CEMIP: variants seen among roughly 807,000 people sequenced by gnomAD.
CEMIP encodes the protein cell migration inducing hyaluronidase 1.
In CEMIP, 105 loss-of-function variants were observed where a neutral mutation model predicts 156.9. The ratio of observed to expected loss-of-function variants is 0.67; its 90% CI spans 0.57 to 0.79. The LOEUF (loss-of-function observed/expected upper bound fraction) is 0.79, where lower values mean the gene tolerates loss of function less well. Ranked by LOEUF, CEMIP falls within the 30% of genes least tolerant of loss-of-function variation. The probability of loss-of-function intolerance (pLI) is 0.00; values close to 1 mark genes in which losing one functional copy is unlikely to be tolerated. For missense variants in CEMIP, 1,457 were observed against 1,769.4 expected (o/e 0.82, Z 3.17); for synonymous variants, 676 against 668.4 (o/e 1.01, Z -0.17).
chr15:80,901,017 T>C (rs1345455311), intron 12 of CEMIP: 1 of 447,114 alleles, frequency 2.2e-6, no homozygotes, highest in Non-Finnish European at 4.5e-6. Flanking sequence ...ATGAATCATC[T>C]AAAAAAAAAT....
intron 14 of CEMIP, 170 bp downstream of exon 14, chr15:80,909,476 G>C: frequency 1.4e-6 from 1 of 725,322 alleles, no homozygotes; most frequent in Non-Finnish European, 2.5e-6. Context: ...AAACAGGAAG[G>C]AGAAAATAGA....
chr15:80,924,576 C>T (rs1900588038), intron 17 of CEMIP, 45 bp from the exon 18 acceptor site: 1 of 1,539,286 alleles, frequency 6.5e-7, no homozygotes, highest in African/African-American at 1.4e-5. Context: ...ATGCCTGTAG[C>T]CCACAGTAGA....
chr15:80,826,915 A>G (rs1897050421), intron 1 of CEMIP, among the ~76,000 whole-genome samples: 1 of 152,130 alleles, frequency 6.6e-6, no homozygotes, highest in South Asian at 2.1e-4. Context: ...ATCCTCATTT[A>G]ATCCTCTTAA....
At chr15:80,923,337 A>G (rs537326663) in intron 17 of CEMIP, among the ~76,000 whole-genome samples, 1 of 152,190 alleles carries the variant, frequency 6.6e-6, no homozygotes, top group African/African-American at 2.4e-5. Context: ...ATCTCCATAC[A>G]GAGGGAGGTG....
rs750147490 is a variant in CEMIP at position 80,879,873 on chromosome 15, C to G, written c.380+19C>G. ...ATGGAAGGTGCGTAGACCACTCCTA[C>G]AGATCAAATGCTACCCATGGATCTG... is the stretch of plus-strand genomic sequence containing the variant. On this transcript the variant is annotated intron_variant, in intron 5 of 29. Transcript: ENST00000394685. 6.2e-7 allele frequency: 1 copy of G among 1,613,700 alleles called. No homozygotes were observed. Among genetic ancestry groups the G allele is most frequent in the African/African-American group, 1.3e-5 (1 of 74,906 alleles).
At chr15:80,807,831 G>A (rs1050425882) in intron 1 of CEMIP, among the ~76,000 whole-genome samples, 2 of 152,342 alleles carry the variant, frequency 1.3e-5, no homozygotes, top group Middle Eastern at 3.4e-3. Flanking sequence ...TTGTAGTAGG[G>A]GTAGTTTATA....
rs1245191849 is a variant in CEMIP at position 80,792,574 on chromosome 15, T to C, written c.-176+12960T>C. Among the ~76,000 whole-genome samples, 3 of 152,212 alleles carry C rather than the reference T, an allele frequency of 2.0e-5. No homozygotes were observed. The East Asian group carries it at 5.8e-4, about 29-fold the overall frequency. Reference sequence around the variant, plus strand: ...CTAATACACGGCAACTTCTTAGAGTTATGATCTTGTACATACTAGGTATAC... The same window carrying C: ...CTAATACACGGCAACTTCTTAGAGTCATGATCTTGTACATACTAGGTATAC... On this transcript the variant is annotated intron_variant, in intron 1 of 29. Transcript: ENST00000394685.
intron 1 of CEMIP, among the ~76,000 whole-genome samples, chr15:80,854,105 C>T (rs1897781551): frequency 6.6e-6 from 1 of 152,266 alleles, no homozygotes. Flanking sequence ...AGTGAGCCAG[C>T]GAGGCCTGCC....
rs759173493 is a variant in CEMIP at position 80,942,926 on chromosome 15, G to A, written c.3700-19G>A. On this transcript the variant is annotated intron_variant, in intron 27 of 29. Transcript: ENST00000394685. Reference sequence around the variant, plus strand: ...GCCTTGGCACCCTGCCTCACACCTGGATTGCTCTGGCTCTGTAGGTGGATG... The same window carrying A: ...GCCTTGGCACCCTGCCTCACACCTGAATTGCTCTGGCTCTGTAGGTGGATG... 5 of 1,614,164 alleles carry A rather than the reference G, an allele frequency of 3.1e-6. No individual in the cohort carries two copies. Among genetic ancestry groups the A allele is most frequent in the Non-Finnish European group, 4.2e-6 (5 of 1,180,030 alleles).
chr15:80,922,187 C>T (rs1237386151), intron 17 of CEMIP, 50 bp downstream of exon 17: 2 of 1,611,454 alleles, frequency 1.2e-6, no homozygotes, highest in African/African-American at 2.7e-5. Flanking sequence ...GGTCCCCTTC[C>T]CAGGCCTGCA....
At chr15:80,907,542 AGAGT>A (rs1899861641) in intron 13 of CEMIP, among the ~76,000 whole-genome samples, 2 of 152,256 alleles carry the variant, frequency 1.3e-5, no homozygotes, top group Admixed American at 1.3e-4. Context: ...GCCTGGTGAC[AGAGT>A]GAGACTCCAT....
chr15:80,876,481 C>T (rs1176798502), intron 3 of CEMIP, among the ~76,000 whole-genome samples: 1 of 152,234 alleles, frequency 6.6e-6, no homozygotes, highest in Non-Finnish European at 1.5e-5. Context: ...TTTACAATAG[C>T]TGGAAGAGCT....
intron 26 of CEMIP, 77 bp downstream of exon 26, chr15:80,942,130 C>T: frequency 6.6e-7 from 1 of 1,519,818 alleles, no homozygotes; most frequent in Non-Finnish European, 9.1e-7. Flanking sequence ...CAGTCGGGCC[C>T]AGACCCAATT....
At chr15:80,946,634 G>A in intron 28 of CEMIP, 4 of 348,444 alleles carry the variant, frequency 1.1e-5, no homozygotes, top group Non-Finnish European at 2.2e-5. Context: ...GTCCTACTGT[G>A]TGCCGAGCCC....
intron 14 of CEMIP, among the ~76,000 whole-genome samples, chr15:80,910,106 C>T (rs772187559): frequency 6.6e-6 from 1 of 152,196 alleles, no homozygotes; most frequent in African/African-American, 2.4e-5. Context: ...TCCAGCTACA[C>T]GATGTGTTTT....
At chr15:80,924,763 T>C in intron 18 of CEMIP, 57 bp downstream of exon 18, 3 of 1,382,404 alleles carry the variant, frequency 2.2e-6, no homozygotes, top group Non-Finnish European at 3.1e-6. Context: ...AGCTCCTGCC[T>C]CCCCCTCCTT....
intron 10 of CEMIP, among the ~76,000 whole-genome samples, chr15:80,890,876 T>G (rs915036957): frequency 6.6e-6 from 1 of 152,188 alleles, no homozygotes; most frequent in African/African-American, 2.4e-5. Context: ...AACTTTCTCA[T>G]TATTTGGCTG....
intron 1 of CEMIP, among the ~76,000 whole-genome samples, chr15:80,795,371 G>C (rs995195817): frequency 1.3e-5 from 2 of 152,092 alleles, no homozygotes; most frequent in Non-Finnish European, 2.9e-5. Flanking sequence ...CTAGGGACCT[G>C]GTGATGGTGG....
In CEMIP at chr15:80,920,085, C is replaced by A; in HGVS notation, c.1798-9C>A. On this transcript the variant is annotated splice_polypyrimidine_tract_variant and intron_variant, in intron 14 of 29. Coordinates refer to ENST00000394685, the MANE Select transcript of CEMIP (RefSeq NM_001293298.2). ...GCTTGGTGAAACACCCCTGTCTTGA[C>A]CCCTGCAGATCAAGGACGTTGTGGG... is the stretch of plus-strand genomic sequence containing the variant. 6.2e-7 allele frequency: 1 copy of A among 1,614,000 alleles called. No homozygotes were observed. The highest frequency in any genetic ancestry group is 8.5e-7 in the Non-Finnish European group (1 of 1,179,820).
Sources: gnomAD v4.1 joint callset for allele counts (sites outside exome capture counted in the v4.1 genomes callset) on GRCh38, gnomAD v4.1.1 for gene constraint, MANE v1.5 for transcripts, NCBI Gene and HGNC (gene_info 2026-07-23, HGNC 2026-07-21) for gene names.